The following TENM3 variants were observed in gnomAD, a reference collection of about 807,000 sequenced individuals.
TENM3 encodes teneurin transmembrane protein 3.
In TENM3, 63 loss-of-function variants were observed where a neutral mutation model predicts 255.1. The ratio of observed to expected loss-of-function variants is 0.25; its 90% CI spans 0.20 to 0.30. The LOEUF (loss-of-function observed/expected upper bound fraction) is 0.30, where lower values mean the gene tolerates loss of function less well. TENM3 is among the 10% of genes least tolerant of loss of function. The pLI is 1.00. For missense variants in TENM3, 2,929 were observed against 3,461.1 expected (o/e 0.85, Z 3.86); for synonymous variants, 1,306 against 1,322.3 (o/e 0.99, Z 0.27).
At chr4:181,900,069 C>G in the TENM3 span, among the ~76,000 whole-genome samples, 5 of 152,090 alleles carry the variant, frequency 3.3e-5, no homozygotes, top group Non-Finnish European at 5.9e-5. Context: ...AAAATAACAA[C>G]TTCTATGCTG....
the TENM3 span, among the ~76,000 whole-genome samples, chr4:181,625,984 T>C: frequency 1.3e-5 from 2 of 152,102 alleles, no homozygotes; most frequent in South Asian, 2.1e-4. Context: ...GCACAGGCAA[T>C]GGCAATGTGA....
At chr4:181,767,157 C>A in the TENM3 span, among the ~76,000 whole-genome samples, 2 of 144,028 alleles carry the variant, frequency 1.4e-5, no homozygotes, top group Admixed American at 7.3e-5. Context: ...GAGGCTGAGG[C>A]AGGAGAATGG....
At chr4:181,781,867 T>C in the TENM3 span, among the ~76,000 whole-genome samples, 2 of 152,220 alleles carry the variant, frequency 1.3e-5, no homozygotes, top group Non-Finnish European at 2.9e-5. Context: ...TCTGCGTCTA[T>C]TGAGATAACC....
chr4:182,612,131 G>A (rs904497509), intron 4 of TENM3, among the ~76,000 whole-genome samples: 1 of 151,990 alleles, frequency 6.6e-6, no homozygotes, highest in African/African-American at 2.4e-5. Context: ...AATTAGCCGG[G>A]CGTGGTGGCG....
intron 3 of TENM3, among the ~76,000 whole-genome samples, chr4:182,468,826 G>T (rs779251082): frequency 7.2e-4 from 14 of 19,456 alleles, no homozygotes; most frequent in Non-Finnish European, 1.5e-3. Context: ...CTGTGTGCTT[G>T]TGTGTGTGTG....
the TENM3 span, among the ~76,000 whole-genome samples, chr4:181,950,092 C>A: frequency 6.6e-6 from 1 of 152,188 alleles, no homozygotes; most frequent in Non-Finnish European, 1.5e-5. Context: ...CCCACCTTAA[C>A]TGATGACATT....
intron 2 of TENM3, among the ~76,000 whole-genome samples, chr4:182,335,308 G>A (rs57124771): frequency 0.43 from 29,584 of 68,976 alleles, 5,993 homozygotes; most frequent in Non-Finnish European, 0.48. Flanking sequence ...ACCATCCTGT[G>A]AATGGTGAAA....
the TENM3 span, among the ~76,000 whole-genome samples, chr4:181,853,529 C>G: frequency 3.3e-5 from 5 of 152,214 alleles, no homozygotes; most frequent in African/African-American, 1.2e-4. Flanking sequence ...CTCTCGTTGA[C>G]TTTCTCAGCT....
chr4:182,043,686 T>C, the TENM3 span, among the ~76,000 whole-genome samples: 1 of 152,210 alleles, frequency 6.6e-6, no homozygotes, highest in Non-Finnish European at 1.5e-5. Context: ...GCACAGTTCT[T>C]ATTACTAATG....
chr4:181,650,038 G>A, the TENM3 span, among the ~76,000 whole-genome samples: 2 of 152,174 alleles, frequency 1.3e-5, no homozygotes, highest in Non-Finnish European at 2.9e-5. Flanking sequence ...GACAAGTCAG[G>A]TATGGTTTTT....
the TENM3 span, among the ~76,000 whole-genome samples, chr4:182,112,857 T>C: frequency 6.6e-6 from 1 of 152,186 alleles, no homozygotes; most frequent in Non-Finnish European, 1.5e-5. Context: ...TAAATGCTGC[T>C]CACACTTACT....
At chr4:182,065,246 G>A in the TENM3 span, among the ~76,000 whole-genome samples, 5 of 152,190 alleles carry the variant, frequency 3.3e-5, no homozygotes, top group East Asian at 7.8e-4. Context: ...TGTTGGCCAG[G>A]CTGGTCTCAA....
At chr4:181,507,104 G>T in the TENM3 span, among the ~76,000 whole-genome samples, 7 of 152,290 alleles carry the variant, frequency 4.6e-5, no homozygotes, top group African/African-American at 1.7e-4. Context: ...ATCCGTACCT[G>T]ATCTCGTGGC....
the TENM3 span, among the ~76,000 whole-genome samples, chr4:181,763,735 C>T: frequency 6.6e-6 from 1 of 152,122 alleles, no homozygotes; most frequent in Non-Finnish European, 1.5e-5. Flanking sequence ...CCTCTGTCCT[C>T]GCTGATAAGT....
At chr4:181,691,022 AT>A in the TENM3 span, among the ~76,000 whole-genome samples, 1 of 152,194 alleles carries the variant, frequency 6.6e-6, no homozygotes. Flanking sequence ...CATGCGTGCT[AT>A]TTTTTTCTTT....
intron 24 of TENM3, among the ~76,000 whole-genome samples, chr4:182,786,682 C>T (rs1001490513): frequency 2.0e-5 from 3 of 151,974 alleles, no homozygotes; most frequent in African/African-American, 7.2e-5. Flanking sequence ...GGGGAAATAC[C>T]GCAGAGATGA....
intron 3 of TENM3, among the ~76,000 whole-genome samples, chr4:182,371,031 A>C (rs1766770237): frequency 6.6e-6 from 1 of 152,000 alleles, no homozygotes. Context: ...TTTGGTCTTC[A>C]GTTTCATGGC....
chr4:181,558,238 T>G, the TENM3 span, among the ~76,000 whole-genome samples: 1 of 152,296 alleles, frequency 6.6e-6, no homozygotes, highest in East Asian at 1.9e-4. Flanking sequence ...AGAAGGTCCA[T>G]GCCAAAAATT....
At chr4:182,593,647 T>C (rs1415724054) in intron 3 of TENM3, among the ~76,000 whole-genome samples, 1 of 152,114 alleles carries the variant, frequency 6.6e-6, no homozygotes, top group Non-Finnish European at 1.5e-5. Flanking sequence ...GACAGAGCAG[T>C]TGGAGTCGCT....
Sources: allele counts gnomAD v4.1 joint callset (sites outside exome capture counted in the v4.1 genomes callset), GRCh38; gene constraint gnomAD v4.1.1; transcripts MANE v1.5; gene names NCBI Gene and HGNC (gene_info 2026-07-23, HGNC 2026-07-21).